The following STOML1 variants were observed in gnomAD, a reference collection of about 807,000 sequenced individuals.
The protein encoded by STOML1 is stomatin like 1, also known as stomatin-like protein 1.
Under a neutral mutation model 35.7 loss-of-function variants are expected in STOML1, and 27 were observed. The ratio of observed to expected loss-of-function variants is 0.76; its 90% CI spans 0.56 to 1.04. The LOEUF is 1.04. Among genes scored for constraint, STOML1 ranks in the 50% least tolerant of loss-of-function variants. The pLI is 0.00. For missense variants in STOML1, 451 were observed against 527.1 expected (o/e 0.86, Z 1.41); for synonymous variants, 219 against 227.9 (o/e 0.96, Z 0.35).
At chr15:73,989,570 T>A (rs549875030) in intron 2 of STOML1, among the ~76,000 whole-genome samples, 1 of 152,312 alleles carries the variant, frequency 6.6e-6, no homozygotes, top group East Asian at 1.9e-4. Flanking sequence ...AAGTTAGACA[T>A]GACTCATACC....
At chr15:73,990,120 G>C in intron 2 of STOML1, 1 of 504,190 alleles carries the variant, frequency 2.0e-6, no homozygotes, top group Non-Finnish European at 3.6e-6. Flanking sequence ...CCAGGACTTA[G>C]GAGTTTGGGA....
rs987076158 is a variant in STOML1, at chr15:73,979,543, G to A, written c.*4394C>T. The A allele has an allele frequency of 6.6e-6, 1 of 152,080 alleles. No individual in the cohort carries two copies. The highest frequency in any genetic ancestry group is 1.5e-5 in the Non-Finnish European group (1 of 68,042). 9.4% of individuals were successfully genotyped at this position (152,080 alleles called of 1,614,324 possible). A position where few individuals can be genotyped will look rare whatever the true frequency, so the allele number is the denominator to read the frequency against. On this transcript the variant is annotated 3_prime_UTR_variant, in exon 7 of 7. Coordinates refer to ENST00000541638, the MANE Select transcript of STOML1 (RefSeq NM_004809.5). The stretch of plus-strand genomic sequence containing the variant: ...AATTTTGTATTTTTAGTAGAGATGG[G>A]GTTTCACCATATCGGTCAGGCTGGT...
At position 73,989,260 on chromosome 15, in the gene STOML1, G is replaced by A. The variant is rs2069193303; in HGVS notation, c.241-3C>T. 3 of 1,582,304 alleles carry A rather than the reference G, an allele frequency of 1.9e-6. No individual in the cohort carries two copies. Among genetic ancestry groups the A allele is most frequent in the African/African-American group, 2.7e-5 (2 of 74,114 alleles). ...ATCCGCTCGTAGGTGGGCACAATCT[G>A]TCCACAATGGCAAGGGAAAGAGTTG... On this transcript the variant is annotated splice_polypyrimidine_tract_variant and splice_region_variant and intron_variant, in intron 2 of 6. Transcript: ENST00000541638.
rs913172152 is a variant in STOML1 at position 73,980,881 on chromosome 15, C to A, written c.*3056G>T. 6.6e-6 allele frequency: 1 copy of A among 151,386 alleles called. No homozygotes were observed. The highest frequency in any genetic ancestry group is 1.5e-5 in the Non-Finnish European group (1 of 67,900). The allele number at this position is 151,386 out of a possible 1,614,324, so 9.4% of individuals were successfully genotyped here. On this transcript the variant is annotated 3_prime_UTR_variant, in exon 7 of 7. Transcript: ENST00000541638. ...ACATGGGGAGACATCCTTATCTCTACAAAAGAGATTTTAAAAATTAGCCGG... is the reference window on the plus strand; with the variant it reads ...ACATGGGGAGACATCCTTATCTCTAAAAAAGAGATTTTAAAAATTAGCCGG...
chr15:73,984,259 C>G, intron 6 of STOML1, 129 bp from the exon 7 acceptor site: 1 of 998,012 alleles, frequency 1.0e-6, no homozygotes, highest in Non-Finnish European at 1.4e-6. Flanking sequence ...GTTCTAATAC[C>G]CTGGGTTTGA....
chr15:73,988,911 C>G lies in STOML1; in HGVS notation c.391-109G>C. 4 of 1,487,294 alleles carry G rather than the reference C, an allele frequency of 2.7e-6. No individual in the cohort carries two copies. The highest frequency in any genetic ancestry group is 2.7e-6 in the Non-Finnish European group (3 of 1,099,184). 92.1% of individuals were successfully genotyped at this position (1,487,294 alleles called of 1,614,324 possible). ...ACCACCTGCTTGGCAGCTAGCTCCT[C>G]AAGGGCAAATGGTGTCACCAAGTAT... On this transcript the variant is annotated intron_variant, in intron 3 of 6. Coordinates refer to ENST00000541638, the MANE Select transcript of STOML1 (RefSeq NM_004809.5). The surrounding 1 kb of genome is among the most constrained non-coding windows in gnomAD (Gnocchi z 4.8).
At chr15:73,990,113 G>C in intron 2 of STOML1, 1 of 490,262 alleles carries the variant, frequency 2.0e-6, no homozygotes, top group Non-Finnish European at 3.7e-6. Flanking sequence ...CCAGATCCCA[G>C]GACTTAGGAG....
chr15:73,982,336 C>T lies in STOML1; in HGVS notation c.*1601G>A, dbSNP rs2068970475. On this transcript the variant is annotated 3_prime_UTR_variant, in exon 7 of 7. Coordinates refer to ENST00000541638, the MANE Select transcript of STOML1 (RefSeq NM_004809.5). ...GGGCAGGCTTTGGAACAGACAGCCTCAGCTAGAAAGCCCTGGGAGGGCCCA... is the reference window on the plus strand; with the variant it reads ...GGGCAGGCTTTGGAACAGACAGCCTTAGCTAGAAAGCCCTGGGAGGGCCCA... The T allele has an allele frequency of 6.6e-6, 1 of 152,494 alleles. No homozygotes were observed. Among genetic ancestry groups the T allele is most frequent in the Admixed American group, 6.5e-5 (1 of 15,286 alleles). The allele number at this position is 152,494 out of a possible 1,614,324, so 9.4% of individuals were successfully genotyped here. A position where few individuals can be genotyped will look rare whatever the true frequency, so the allele number is the denominator to read the frequency against.
Position 73,980,507 on chromosome 15 carries a change from G to A in STOML1, c.*3430C>T, listed in dbSNP as rs1015785842. Reference sequence around the variant, plus strand: ...CATGGAAAGATCCTCAGTGGGTAATGTTAAGTGAAAAAGGCAACATTGTGT... The same window carrying A: ...CATGGAAAGATCCTCAGTGGGTAATATTAAGTGAAAAAGGCAACATTGTGT... On this transcript the variant is annotated 3_prime_UTR_variant, in exon 7 of 7. Coordinates refer to ENST00000541638, the MANE Select transcript of STOML1 (RefSeq NM_004809.5). 3 of 152,216 alleles carry A rather than the reference G, an allele frequency of 2.0e-5. No homozygotes were observed. The highest frequency in any genetic ancestry group is 1.3e-4 in the Admixed American group (2 of 15,288). The allele number at this position is 152,216 out of a possible 1,614,324, so 9.4% of individuals were successfully genotyped here.
In STOML1 at chr15:73,988,917, C is replaced by G; in HGVS notation, c.391-115G>C. 1 of 1,465,762 alleles carries G rather than the reference C, an allele frequency of 6.8e-7. No individual in the cohort carries two copies. Among genetic ancestry groups the G allele is most frequent in the Non-Finnish European group, 9.2e-7 (1 of 1,083,562 alleles). The allele number at this position is 1,465,762 out of a possible 1,614,324, so 90.8% of individuals were successfully genotyped here. On this transcript the variant is annotated intron_variant, in intron 3 of 6. Transcript: ENST00000541638. The surrounding 1 kb of genome is among the most constrained non-coding windows in gnomAD (Gnocchi z 4.8). ...TGCTTGGCAGCTAGCTCCTCAAGGG[C>G]AAATGGTGTCACCAAGTATGTAGGG...
Position 73,988,926 on chromosome 15 carries a change from T to C in STOML1, c.391-124A>G, listed in dbSNP as rs2069179844. 6.9e-7 allele frequency: 1 copy of C among 1,448,228 alleles called. No homozygotes were observed. Among genetic ancestry groups the C allele is most frequent in the East Asian group, 2.3e-5 (1 of 43,420 alleles). 89.7% of individuals were successfully genotyped at this position (1,448,228 alleles called of 1,614,324 possible). A position where few individuals can be genotyped will look rare whatever the true frequency, so the allele number is the denominator to read the frequency against. The stretch of plus-strand genomic sequence containing the variant: ...GCTAGCTCCTCAAGGGCAAATGGTG[T>C]CACCAAGTATGTAGGGTTAGGTGTA... On this transcript the variant is annotated intron_variant, in intron 3 of 6. Coordinates refer to ENST00000541638, the MANE Select transcript of STOML1 (RefSeq NM_004809.5). The surrounding 1 kb of genome is among the most constrained non-coding windows in gnomAD (Gnocchi z 4.8).
upstream of STOML1, chr15:73,994,557 T>G (rs2069379330): frequency 1.8e-6 from 1 of 567,512 alleles, no homozygotes; most frequent in South Asian, 2.0e-5. Flanking sequence ...TTACCGTAAG[T>G]CAGCGGTAGG....
chr15:73,984,623 C>G (rs758453362), intron 6 of STOML1, 36 bp downstream of exon 6: 1 of 1,606,778 alleles, frequency 6.2e-7, no homozygotes, highest in Non-Finnish European at 8.5e-7. Context: ...ACCTAGCAAG[C>G]TGGATGGGAA....
In STOML1 at chr15:73,980,962, G is replaced by T. The variant is rs1041231201; in HGVS notation, c.*2975C>A. 4 of 152,148 alleles carry T rather than the reference G, an allele frequency of 2.6e-5. No individual in the cohort carries two copies. The highest frequency in any genetic ancestry group is 2.6e-4 in the Admixed American group (4 of 15,260). The allele number at this position is 152,148 out of a possible 1,614,324, so 9.4% of individuals were successfully genotyped here. A position where few individuals can be genotyped will look rare whatever the true frequency, so the allele number is the denominator to read the frequency against. ...CTCAGGAAGCTGAGGCAAGAGGATC[G>T]TTTGAGCCCCAGAGTTCAAGGCTAC... On this transcript the variant is annotated 3_prime_UTR_variant, in exon 7 of 7. Transcript: ENST00000541638.
rs774553753 is a variant in STOML1 at position 73,984,023 on chromosome 15, C to G, written c.1111G>C (p.Gly371Arg). The G allele has an allele frequency of 1.9e-6, 3 of 1,614,072 alleles. No homozygotes were observed. The highest frequency in any genetic ancestry group is 1.1e-5 in the South Asian group (1 of 91,090). The change falls in exon 7 of 7, where the codon GGG (glycine) becomes CGG (arginine). Residue 371 changes from glycine to arginine, a missense_variant. By Grantham distance (125) the Gly-to-Arg change is moderately radical (BLOSUM62 -2). Transcript: ENST00000541638. Reference protein sequence around the residue: ...ALLCRELRPLGAYMSGRLKVK... With the variant: ...ALLCRELRPLRAYMSGRLKVK... ...TTCAGCCGTCCACTCATGTAGGCCC[C>G]CAGGGGCCGCAGCTCTCTGCATAGC...
chr15:73,994,278 C>T (rs1276546571), upstream of STOML1, among the ~76,000 whole-genome samples: 1 of 152,186 alleles, frequency 6.6e-6, no homozygotes, highest in African/African-American at 2.4e-5. Context: ...TCCCCCGTAC[C>T]CCACCACCTA....
At chr15:73,987,238 G>A (rs1413221666) in intron 4 of STOML1, 2 of 153,026 alleles carry the variant, frequency 1.3e-5, no homozygotes, top group Non-Finnish European at 2.9e-5. Flanking sequence ...CAAGTGAGAG[G>A]TGGGGACTCT....
rs768024472 is a variant in STOML1, at chr15:73,992,246, C to G, written c.-23G>C. On this transcript the variant is annotated 5_prime_UTR_variant, in exon 1 of 7. Transcript: ENST00000541638. Reference sequence around the variant, plus strand: ...CATGGCTTTTGACAGGAGACACGCCCCGCGCCTCCGCGCGGCGCCCTCCCT... The same window carrying G: ...CATGGCTTTTGACAGGAGACACGCCGCGCGCCTCCGCGCGGCGCCCTCCCT... 2.5e-6 allele frequency: 4 copies of G among 1,578,852 alleles called. No individual in the cohort carries two copies. The East Asian group carries it at 7.5e-5, about 30-fold the overall frequency.
Position 73,989,214 on chromosome 15 carries a change from C to T in STOML1, c.284G>A (p.Arg95Gln), listed in dbSNP as rs1387082111. ...YERMIVFRLG[R>Q]IRTPQGPGMV... ...GCCAGGTCCCTGGGGGGTGCGGATC[C>T]GGCCCAGGCGGAACACAATCATCCG... Residue 95 changes from arginine to glutamine, a missense_variant, in exon 3 of 7, where the codon CGG becomes CAG. By Grantham distance (43) the Arg-to-Gln change is conservative. Transcript: ENST00000541638. 5.6e-6 allele frequency: 9 copies of T among 1,609,708 alleles called. No homozygotes were observed. Among genetic ancestry groups the T allele is most frequent in the African/African-American group, 2.7e-5 (2 of 74,720 alleles).
Sources: gnomAD v4.1 joint callset for allele counts (sites outside exome capture counted in the v4.1 genomes callset) on GRCh38, gnomAD v4.1.1 for gene constraint, Gnocchi (gnomAD v3.1) non-coding constraint, MANE v1.5 for transcripts, NCBI Gene and HGNC (gene_info 2026-07-23, HGNC 2026-07-21) for gene names.